IFT172: variants seen among roughly 807,000 people sequenced by gnomAD.
IFT172 encodes intraflagellar transport 172.
A neutral mutation model predicts 248.9 loss-of-function variants in IFT172; 164 were observed. That is an observed-to-expected ratio of 0.66 (90% CI 0.58 to 0.75). The LOEUF is 0.75. Ranked by LOEUF, IFT172 falls within the 30% of genes least tolerant of loss-of-function variation. The probability of loss-of-function intolerance (pLI) is 0.00; values close to 1 mark genes in which losing one functional copy is unlikely to be tolerated. For missense variants in IFT172, 1,950 were observed against 2,192.4 expected, an observed-to-expected ratio of 0.89 and a Z score of 2.21; for synonymous variants, 729 against 791.6, an observed-to-expected ratio of 0.92 and a Z score of 1.33.
chr2:27,483,058 A>G (rs2148555186), intron 7 of IFT172, among the ~76,000 whole-genome samples: 1 of 144,264 alleles, frequency 6.9e-6, no homozygotes, highest in South Asian at 2.2e-4. Flanking sequence ...GCTGTAGTGC[A>G]GTGGTGCTAT....
At chr2:27,461,879 T>C (rs111679731) in intron 20 of IFT172, 43 bp from the exon 21 acceptor site, 1 of 1,610,264 alleles carries the variant, frequency 6.2e-7, no homozygotes, top group Non-Finnish European at 8.5e-7. Context: ...CAGAAAGATA[T>C]GAGGATCAGA....
chr2:27,453,732 C>G lies in IFT172; in HGVS notation c.3719G>C (p.Gly1240Ala). The G allele has an allele frequency of 6.2e-7, 1 of 1,611,376 alleles. No individual in the cohort carries two copies. The highest frequency in any genetic ancestry group is 8.5e-7 in the Non-Finnish European group (1 of 1,179,420). The change falls in exon 34 of 48, where the codon GGA becomes GCA. Residue 1240 changes from glycine to alanine, a missense_variant. By Grantham distance (60) the Gly-to-Ala change is moderately conservative. Around this residue, in one of 3 missense-constraint regions of IFT172, gnomAD observed 620 missense variants for 699.0 expected, o/e 0.89. Transcript: ENST00000260570. Reference sequence around the variant, plus strand: ...GATGCGCAGAGCGTCACTCCATAATCCAGCCTCCTGCTCAGATTTCCAGGT... The same window carrying G: ...GATGCGCAGAGCGTCACTCCATAATGCAGCCTCCTGCTCAGATTTCCAGGT... ...GLALNYYKEA[G>A]LWSDALRICK...
chr2:27,468,841 T>C (rs1572788082), intron 16 of IFT172, among the ~76,000 whole-genome samples: 1 of 121,380 alleles, frequency 8.2e-6, no homozygotes, highest in Admixed American at 9.4e-5. Context: ...AGAGCGACAC[T>C]CCGTCTCAAA....
At position 27,465,433 on chromosome 2, in the gene IFT172, T is replaced by A; in HGVS notation, c.1915A>T (p.Arg639Trp). The A allele has an allele frequency of 6.2e-7, 1 of 1,614,140 alleles. No individual in the cohort carries two copies. Among genetic ancestry groups the A allele is most frequent in the Non-Finnish European group, 8.5e-7 (1 of 1,180,002 alleles). ...CACCTCTCCGCAATGTGTAGTTGCC[T>A]TGCCTCTAGTGCCAGTTTACTCAAG... ...KTLSKLALEA[R>W]QLHIAERCFS... The change falls in exon 18 of 48, where the codon AGG (arginine) becomes TGG (tryptophan). Residue 639 changes from arginine to tryptophan, a missense_variant. Arg to Trp is a moderately radical substitution (Grantham distance 101). Transcript: ENST00000260570.
At position 27,454,445 on chromosome 2, in the gene IFT172, A is replaced by ATGGC. The variant is rs771096076; in HGVS notation, c.3466-28_3466-27insGCCA. The ATGGC allele has an allele frequency of 6.2e-7, 1 of 1,614,194 alleles. No homozygotes were observed. Among genetic ancestry groups the ATGGC allele is most frequent in the Non-Finnish European group, 8.5e-7 (1 of 1,180,038 alleles). ...TACAGGGAGAGAAAGGCAGCCGTGC[A>ATGGC]TGATGAGAAGGAGACTGGCATCACA... On this transcript the variant is annotated intron_variant, in intron 31 of 47. Coordinates refer to ENST00000260570, the MANE Select transcript of IFT172 (RefSeq NM_015662.3). The surrounding 1 kb of genome is among the most constrained non-coding windows in gnomAD (Gnocchi z 4.2).
In IFT172 at chr2:27,449,509, T is replaced by C; in HGVS notation, c.4214A>G (p.Lys1405Arg). 6.2e-7 allele frequency: 1 copy of C among 1,614,216 alleles called. No individual in the cohort carries two copies. The change falls in exon 38 of 48, where the codon AAA (lysine) becomes AGA (arginine). Residue 1405 changes from lysine (K) to arginine (R), a missense_variant. Around this residue, in one of 3 missense-constraint regions of IFT172, gnomAD observed 620 missense variants for 699.0 expected, o/e 0.89. Coordinates refer to ENST00000260570, the MANE Select transcript of IFT172 (RefSeq NM_015662.3). ...CTCTCCAAGTCTCACCGAGTCCACT[T>C]TGCCCTGATTCTTGAGGAACTCTTT... is the stretch of plus-strand genomic sequence containing the variant. ...HYKEFLKNQG[K>R]VDSLVGVDVI...
At position 27,449,540 on chromosome 2, in the gene IFT172, G is replaced by T. The variant is rs1665461040; in HGVS notation, c.4183C>A (p.His1395Asn). The T allele has an allele frequency of 6.2e-7, 1 of 1,614,034 alleles. No homozygotes were observed. Among genetic ancestry groups the T allele is most frequent in the Non-Finnish European group, 8.5e-7 (1 of 1,180,038 alleles). The part of the protein sequence containing the change: ...DPRYEDYVDQ[H>N]YKEFLKNQGK... The stretch of plus-strand genomic sequence containing the variant: ...TGATTCTTGAGGAACTCTTTATAAT[G>T]CTGGTCCACATAGTCTTCATACCTG... The change falls in exon 38 of 48, where the codon CAT becomes AAT. Residue 1395 changes from histidine (H) to asparagine (N), a missense_variant. His to Asn is a moderately conservative substitution (Grantham distance 68, BLOSUM62 1). This residue lies in a region of IFT172 where 620 missense variants were observed against 699.0 expected (regional missense o/e 0.89). Coordinates refer to ENST00000260570, the MANE Select transcript of IFT172 (RefSeq NM_015662.3).
At chr2:27,455,610 C>G (rs1198694833) in intron 30 of IFT172, 1 of 214,512 alleles carries the variant, frequency 4.7e-6, no homozygotes, top group African/African-American at 2.4e-5. Context: ...ACTCAGGAGG[C>G]TGAGGCAGGA....
chr2:27,446,424 T>TA, intron 42 of IFT172, 69 bp from the exon 43 acceptor site: 7 of 1,347,660 alleles, frequency 5.2e-6, no homozygotes, highest in Non-Finnish European at 7.4e-6. Flanking sequence ...AATGATCCTG[T>TA]AAGGCAGCCA....
chr2:27,464,764 C>T lies in IFT172; in HGVS notation c.1937+647G>A, dbSNP rs568487652. On this transcript the variant is annotated intron_variant, in intron 18 of 47. Coordinates refer to ENST00000260570, the MANE Select transcript of IFT172 (RefSeq NM_015662.3). ...TCCTGAATAGCTGGGACCACAGGTG[C>T]GCATCACCATGCCCGGCTAATTTTT... 2.5e-3 allele frequency among the ~76,000 whole-genome samples: 379 copies of T among 151,960 alleles called. 1 individual carries two copies. The highest frequency in any genetic ancestry group is 8.5e-3 in the African/African-American group (354 of 41,450).
chr2:27,484,221 C>G lies in IFT172; in HGVS notation c.336+6G>C, dbSNP rs1470301680. ...CTAAGGTTCCAGGGACTGGTCTGAACTTTACCGTCTGGATGAACTTGTTGC... is the reference window on the plus strand; with the variant it reads ...CTAAGGTTCCAGGGACTGGTCTGAAGTTTACCGTCTGGATGAACTTGTTGC... On this transcript the variant is annotated splice_donor_region_variant and intron_variant, in intron 4 of 47. Coordinates refer to ENST00000260570, the MANE Select transcript of IFT172 (RefSeq NM_015662.3). The G allele has an allele frequency of 1.2e-6, 2 of 1,614,052 alleles. No homozygotes were observed. Among genetic ancestry groups the G allele is most frequent in the Non-Finnish European group, 1.7e-6 (2 of 1,179,954 alleles).
At chr2:27,462,473 T>C (rs1572766577) in intron 20 of IFT172, among the ~76,000 whole-genome samples, 1 of 152,020 alleles carries the variant, frequency 6.6e-6, no homozygotes, top group African/African-American at 2.4e-5. Flanking sequence ...TGAAAGAAAG[T>C]AGTAATCAAA....
chr2:27,477,961 T>TA, intron 11 of IFT172, 34 bp downstream of exon 11: 1 of 1,612,742 alleles, frequency 6.2e-7, no homozygotes, highest in Non-Finnish European at 8.5e-7. Flanking sequence ...CAAGATGCCC[T>TA]ATTCCCCACC....
chr2:27,448,759 A>G (rs1321853130), intron 40 of IFT172, among the ~76,000 whole-genome samples, 156 bp downstream of exon 40: 3 of 152,166 alleles, frequency 2.0e-5, no homozygotes, highest in Non-Finnish European at 4.4e-5. Flanking sequence ...CAGCCTCCAG[A>G]GAGGCTGTAC....
intron 1 of IFT172, 90 bp downstream of exon 1, chr2:27,489,525 A>C: frequency 1.1e-6 from 1 of 946,034 alleles, no homozygotes; most frequent in Non-Finnish European, 1.7e-6. Context: ...TTCTGCACAC[A>C]GTAGGAGGTC....
chr2:27,484,263 AC>A lies in IFT172; in HGVS notation c.299del (p.Gly100ValfsTer38). ...IYVYKIGEDW[G>X]DKKVICNKFI... ...ACTTGTTGCAGATGACTTTCTTGTC[AC>A]CCCTGCCAAACAAAAGAAGGGGAAA... On this transcript the variant is annotated frameshift_variant and splice_region_variant, in exon 4 of 48. Transcript: ENST00000260570. LOFTEE classifies it high-confidence loss of function. 6.2e-7 allele frequency: 1 copy of A among 1,613,798 alleles called. No homozygotes were observed. The highest frequency in any genetic ancestry group is 8.5e-7 in the Non-Finnish European group (1 of 1,179,838).
Position 27,465,442 on chromosome 2 carries a change from G to T in IFT172, c.1906C>A (p.Leu636Ile). The T allele has an allele frequency of 6.2e-7, 1 of 1,614,134 alleles. No individual in the cohort carries two copies. The highest frequency in any genetic ancestry group is 8.5e-7 in the Non-Finnish European group (1 of 1,180,022). ...AMWKTLSKLA[L>I]EARQLHIAER... is the part of the protein sequence containing the mutation. Reference sequence around the variant, plus strand: ...GCAATGTGTAGTTGCCTTGCCTCTAGTGCCAGTTTACTCAAGGTTTTCCAC... The same window carrying T: ...GCAATGTGTAGTTGCCTTGCCTCTATTGCCAGTTTACTCAAGGTTTTCCAC... Residue 636 changes from leucine (L) to isoleucine (I), a missense_variant, in exon 18 of 48, where the codon CTA (leucine) becomes ATA (isoleucine). Leu to Ile is a conservative substitution (Grantham distance 5, BLOSUM62 2). Transcript: ENST00000260570.
At chr2:27,467,758 TGAG>T (rs1216871406) in intron 16 of IFT172, among the ~76,000 whole-genome samples, 1 of 151,976 alleles carries the variant, frequency 6.6e-6, no homozygotes, top group Non-Finnish European at 1.5e-5. Context: ...AGAGAATGGC[TGAG>T]GAGAAGAACG....
At chr2:27,473,468 G>A (rs1028376799) in intron 14 of IFT172, among the ~76,000 whole-genome samples, 1 of 145,430 alleles carries the variant, frequency 6.9e-6, no homozygotes. Flanking sequence ...CAGCCACCAC[G>A]ACCGGCTAAT....
Sources: allele counts gnomAD v4.1 joint callset (sites outside exome capture counted in the v4.1 genomes callset), GRCh38; gene constraint gnomAD v4.1.1; regional missense constraint gnomAD v4.1.1; non-coding constraint Gnocchi (gnomAD v3.1); transcripts MANE v1.5; gene names NCBI Gene and HGNC (gene_info 2026-07-23, HGNC 2026-07-21).